The following RASSF8 variants were observed in gnomAD, a reference collection of about 807,000 sequenced individuals.
RASSF8 encodes the protein Ras association domain family member 8.
RASSF8 carries 22 observed loss-of-function variants against 48.5 expected under a neutral mutation model. The observed-to-expected ratio is 0.45, with a 90% CI of 0.32 to 0.65. RASSF8 has a LOEUF of 0.65. RASSF8 is among the 30% of genes least tolerant of loss of function. The pLI is 0.03. For synonymous variants in RASSF8, 127 were observed against 171.5 expected, an observed-to-expected ratio of 0.74 and a Z score of 2.03; for missense variants, 418 against 489.2, an observed-to-expected ratio of 0.85 and a Z score of 1.37.
At chr12:25,997,806 A>G (rs1267943830) in intron 2 of RASSF8, among the ~76,000 whole-genome samples, 1 of 152,140 alleles carries the variant, frequency 6.6e-6, no homozygotes, top group African/African-American at 2.4e-5. Context: ...TTTTTTGGCC[A>G]AGAAAGGAGC....
chr12:26,069,048 T>C lies in RASSF8; in HGVS notation c.*230T>C, dbSNP rs1034004060. The C allele has an allele frequency of 1.6e-5, 19 of 1,198,930 alleles. No individual in the cohort carries two copies. In the South Asian group the frequency reaches 3.7e-4, roughly 23 times the overall value. The allele number at this position is 1,198,930 out of a possible 1,614,324, so 74.3% of individuals were successfully genotyped here. On this transcript the variant is annotated 3_prime_UTR_variant, in exon 6 of 6. Coordinates refer to ENST00000689635, the MANE Select transcript of RASSF8 (RefSeq NM_001394098.1). ...TGATATTTTTGTCCAGCAGCTATAA[T>C]GCAAAGCCTTCGTTTTTATTTGTAG... is the stretch of plus-strand genomic sequence containing the variant.
chr12:25,977,245 C>CTTT (rs1941627660), intron 1 of RASSF8, among the ~76,000 whole-genome samples: 4 of 152,178 alleles, frequency 2.6e-5, no homozygotes, highest in Non-Finnish European at 5.9e-5. Flanking sequence ...CCAGTGAATG[C>CTTT]ACGCCAGCCA....
intron 2 of RASSF8, among the ~76,000 whole-genome samples, chr12:26,035,498 T>C (rs1943123836): frequency 3.2e-5 from 4 of 123,960 alleles, no homozygotes; most frequent in Middle Eastern, 4.8e-3. Flanking sequence ...TATATGAAAT[T>C]ATATAATTAT....
Position 26,064,678 on chromosome 12 carries a change from G to T in RASSF8, c.284G>T (p.Arg95Leu). 1 of 1,613,984 alleles carries T rather than the reference G, an allele frequency of 6.2e-7. No individual in the cohort carries two copies. Among genetic ancestry groups the T allele is most frequent in the Admixed American group, 1.7e-5 (1 of 60,002 alleles). ...SERPTSDSVA[R>L]IPERTLYRQS... ...CGACCCACTTCAGACAGTGTGGCTC[G>T]AATTCCTGAAAGAACTTTATACAGG... The change falls in exon 4 of 6, where the codon CGA (arginine) becomes CTA (leucine). Residue 95 changes from arginine to leucine, a missense_variant. Transcript: ENST00000689635.
At chr12:25,971,588 A>G (rs980468262) in intron 1 of RASSF8, among the ~76,000 whole-genome samples, 9 of 152,246 alleles carry the variant, frequency 5.9e-5, no homozygotes, top group Middle Eastern at 3.4e-3. Flanking sequence ...AGAAAAAAAA[A>G]GAAGAAGAAA....
chr12:26,059,896 T>C (rs1943701212), intron 3 of RASSF8, among the ~76,000 whole-genome samples: 1 of 152,168 alleles, frequency 6.6e-6, no homozygotes, highest in South Asian at 2.1e-4. Context: ...AAATCACAGG[T>C]ACTCTGTAAC....
chr12:26,036,550 G>C (rs1403534175), intron 2 of RASSF8, among the ~76,000 whole-genome samples: 3 of 152,006 alleles, frequency 2.0e-5, no homozygotes, highest in East Asian at 3.8e-4. Context: ...GAGCCAAGAT[G>C]ACTTTGAGAC....
intron 2 of RASSF8, among the ~76,000 whole-genome samples, chr12:26,040,986 C>T (rs1406917550): frequency 2.0e-5 from 3 of 151,382 alleles, no homozygotes; most frequent in Non-Finnish European, 4.4e-5. Context: ...CTCCCAGGTT[C>T]ACGCCATTCT....
chr12:26,063,733 G>GT lies in RASSF8; in HGVS notation c.104-749dup, dbSNP rs570771077. Among the ~76,000 whole-genome samples, 1,236 of 137,860 alleles carry GT rather than the reference G, an allele frequency of 9.0e-3. 6 individuals carry two copies. The highest frequency in any genetic ancestry group is 0.017 in the African/African-American group (626 of 37,912). The allele number at this position is 137,860 out of a possible 152,430, so 90.4% of individuals were successfully genotyped here. A position where few individuals can be genotyped will look rare whatever the true frequency, so the allele number is the denominator to read the frequency against. ...TGTTTTTAACAATATTTTGCTTTGA[G>GT]TTTTTTTTTTTTTTTTAGAAGAAGA... On this transcript the variant is annotated intron_variant, in intron 3 of 5. Coordinates refer to ENST00000689635, the MANE Select transcript of RASSF8 (RefSeq NM_001394098.1).
At chr12:26,031,103 A>G (rs1943021202) in intron 2 of RASSF8, among the ~76,000 whole-genome samples, 1 of 152,180 alleles carries the variant, frequency 6.6e-6, no homozygotes, top group African/African-American at 2.4e-5. Context: ...ACAGTTACGT[A>G]ATGCCTGAGA....
intron 2 of RASSF8, among the ~76,000 whole-genome samples, chr12:26,040,674 A>T (rs983149136): frequency 4.6e-5 from 7 of 152,144 alleles, no homozygotes; most frequent in Non-Finnish European, 8.8e-5. Context: ...TGGCCTCCTC[A>T]GTGGTAACTT....
rs1944009705 is a variant in RASSF8 at position 26,072,011 on chromosome 12, T to C, written c.*3193T>C. On this transcript the variant is annotated 3_prime_UTR_variant, in exon 6 of 6. Coordinates refer to ENST00000689635, the MANE Select transcript of RASSF8 (RefSeq NM_001394098.1). The stretch of plus-strand genomic sequence containing the variant: ...CCATTTCTGTAAACATCTTCCAAGA[T>C]AGAACTGTAATGGATTGAGGAAATA... 1 of 985,376 alleles carries C rather than the reference T, an allele frequency of 1.0e-6. No homozygotes were observed. The highest frequency in any genetic ancestry group is 4.7e-5 in the South Asian group (1 of 21,284). The allele number at this position is 985,376 out of a possible 1,614,324, so 61.0% of individuals were successfully genotyped here. A position where few individuals can be genotyped will look rare whatever the true frequency, so the allele number is the denominator to read the frequency against.
chr12:25,986,555 A>G (rs561273584), intron 1 of RASSF8, among the ~76,000 whole-genome samples: 8 of 152,292 alleles, frequency 5.3e-5, no homozygotes, highest in South Asian at 2.1e-4. Context: ...TTTGAGGCCT[A>G]TGATGTGCAG....
intron 2 of RASSF8, among the ~76,000 whole-genome samples, chr12:26,049,941 C>T (rs111622614): frequency 0.14 from 21,457 of 152,112 alleles, 1,730 homozygotes; most frequent in Admixed American, 0.21. Context: ...CCCGCCACCA[C>T]GCCCGGCTAA....
downstream of RASSF8, among the ~76,000 whole-genome samples, chr12:26,075,432 G>T (rs1944063446): frequency 6.6e-6 from 1 of 152,230 alleles, no homozygotes. Flanking sequence ...CTGTGAGAAT[G>T]ACATGGATTT....
At chr12:26,057,559 G>A (rs1223214340) in intron 3 of RASSF8, among the ~76,000 whole-genome samples, 1 of 152,150 alleles carries the variant, frequency 6.6e-6, no homozygotes. Context: ...CCAAGTCTTT[G>A]CTATTGTGAA....
chr12:26,012,954 G>GC (rs1942565745), intron 2 of RASSF8, among the ~76,000 whole-genome samples: 1 of 152,146 alleles, frequency 6.6e-6, no homozygotes. Context: ...GGGACTACAG[G>GC]CATGAGCCAC....
chr12:26,066,560 G>T (rs868842969), intron 4 of RASSF8, among the ~76,000 whole-genome samples: 2 of 152,082 alleles, frequency 1.3e-5, no homozygotes, highest in Non-Finnish European at 2.9e-5. Flanking sequence ...TTACTATTGG[G>T]ATTCATTTTG....
intron 2 of RASSF8, among the ~76,000 whole-genome samples, chr12:25,998,772 GTA>G (rs1367933610): frequency 6.6e-6 from 1 of 151,960 alleles, no homozygotes; most frequent in Non-Finnish European, 1.5e-5. Flanking sequence ...GTAAGAGTGA[GTA>G]TGTGTGGGCG....
Sources: gnomAD v4.1 joint callset for allele counts (sites outside exome capture counted in the v4.1 genomes callset) on GRCh38, gnomAD v4.1.1 for gene constraint, MANE v1.5 for transcripts, NCBI Gene and HGNC (gene_info 2026-07-23, HGNC 2026-07-21) for gene names.